Variants in NCK1 observed in about 807,000 individuals in gnomAD.
The protein encoded by NCK1 is NCK adaptor protein 1.
NCK1 carries 19 observed loss-of-function variants against 36.6 expected under a neutral mutation model. The observed-to-expected ratio is 0.52, with a 90% CI of 0.36 to 0.76. The LOEUF (loss-of-function observed/expected upper bound fraction) is 0.76, where lower values mean the gene tolerates loss of function less well. NCK1 is among the 30% of genes least tolerant of loss of function. The pLI is 0.00. For missense variants in NCK1, 358 were observed against 445.6 expected, an observed-to-expected ratio of 0.80 and a Z score of 1.77; for synonymous variants, 165 against 156.0, an observed-to-expected ratio of 1.06 and a Z score of -0.43.
At chr3:136,935,343 T>C (rs1228861162) in intron 2 of NCK1, among the ~76,000 whole-genome samples, 1 of 152,240 alleles carries the variant, frequency 6.6e-6, no homozygotes, top group African/African-American at 2.4e-5. Flanking sequence ...TTCAAAAATA[T>C]CATTTGAAAC....
At chr3:136,905,653 C>G (rs1939664765) in intron 1 of NCK1, among the ~76,000 whole-genome samples, 1 of 152,140 alleles carries the variant, frequency 6.6e-6, no homozygotes, top group African/African-American at 2.4e-5. Flanking sequence ...GAGACAGGGT[C>G]TCACTCTGTT....
intron 1 of NCK1, among the ~76,000 whole-genome samples, chr3:136,894,173 G>A (rs929278805): frequency 6.6e-6 from 1 of 152,134 alleles, no homozygotes; most frequent in African/African-American, 2.4e-5. Flanking sequence ...ACCAAGTGGT[G>A]GTTGTGGCTT....
At chr3:136,873,402 A>G (rs1455731730) in intron 1 of NCK1, among the ~76,000 whole-genome samples, 4 of 151,854 alleles carry the variant, frequency 2.6e-5, no homozygotes, top group East Asian at 1.9e-4. Flanking sequence ...CAATTCCTGT[A>G]CCCCCATCTT....
chr3:136,904,941 C>CT (rs961728259), intron 1 of NCK1, among the ~76,000 whole-genome samples: 8 of 148,532 alleles, frequency 5.4e-5, no homozygotes, highest in Admixed American at 2.0e-4. Context: ...GTTGTTGACA[C>CT]TTTCCAACGT....
intron 1 of NCK1, among the ~76,000 whole-genome samples, chr3:136,912,646 CCCT>C (rs1323962532): frequency 6.6e-6 from 1 of 151,360 alleles, no homozygotes; most frequent in Non-Finnish European, 1.5e-5. Context: ...TGAGATTTTT[CCCT>C]CCTCTTTTTT....
chr3:136,916,194 CCAAACTGTAT>C (rs1939959934), intron 1 of NCK1, among the ~76,000 whole-genome samples: 1 of 152,026 alleles, frequency 6.6e-6, no homozygotes, highest in Non-Finnish European at 1.5e-5. Flanking sequence ...ATACACAAAT[CCAAACTGTAT>C]CAAGGGCTAA....
At chr3:136,923,553 C>T (rs1377326621) in intron 1 of NCK1, among the ~76,000 whole-genome samples, 3 of 104,330 alleles carry the variant, frequency 2.9e-5, no homozygotes, top group East Asian at 2.3e-4. Flanking sequence ...GTGCGAGACT[C>T]CGTCTCAAAT....
chr3:136,929,811 G>A (rs897264399), intron 2 of NCK1, among the ~76,000 whole-genome samples: 2 of 152,216 alleles, frequency 1.3e-5, no homozygotes, highest in Middle Eastern at 3.4e-3. Flanking sequence ...TTATCATAGA[G>A]CAAAGGGGGG....
chr3:136,869,977 C>T (rs914304544), intron 1 of NCK1, among the ~76,000 whole-genome samples: 1 of 143,700 alleles, frequency 7.0e-6, no homozygotes. Flanking sequence ...TTGAATAAAA[C>T]AAGCAGTGAA....
chr3:136,944,410 GC>G (rs1940758613), intron 2 of NCK1, among the ~76,000 whole-genome samples: 1 of 152,150 alleles, frequency 6.6e-6, no homozygotes, highest in Non-Finnish European at 1.5e-5. Context: ...GAGCCACCGT[GC>G]CCAGCCGGGA....
chr3:136,910,618 G>A (rs1294039097), intron 1 of NCK1, among the ~76,000 whole-genome samples: 6 of 151,984 alleles, frequency 3.9e-5, no homozygotes, highest in Non-Finnish European at 8.8e-5. Flanking sequence ...ACTCCTCTTA[G>A]CATTTATTTA....
At chr3:136,921,315 A>C (rs1313271867) in intron 1 of NCK1, among the ~76,000 whole-genome samples, 8 of 152,246 alleles carry the variant, frequency 5.3e-5, no homozygotes, top group African/African-American at 1.9e-4. Context: ...TTAACTCAGG[A>C]AACAACTAGA....
At chr3:136,891,523 C>A (rs1452140649) in intron 1 of NCK1, among the ~76,000 whole-genome samples, 2 of 152,184 alleles carry the variant, frequency 1.3e-5, no homozygotes, top group African/African-American at 4.8e-5. Context: ...TATTTGAGTT[C>A]TCACTTTTAC....
At position 136,862,328 on chromosome 3, in the gene NCK1, G is replaced by T. The variant is rs182258053; in HGVS notation, c.-44G>T. On this transcript the variant is annotated 5_prime_UTR_variant, in exon 1 of 4. Transcript: ENST00000481752. ...CCTGGAGCCCTCCTCAGGTGAGCTG[G>T]AGCTGCCCGGCTCGGCAGCGGGAAG... is the stretch of plus-strand genomic sequence containing the variant. 802 of 152,924 alleles carry T rather than the reference G, an allele frequency of 5.2e-3. 3 individuals carry two copies. Among genetic ancestry groups the T allele is most frequent in the Admixed American group, 8.1e-3 (124 of 15,314 alleles). 9.5% of individuals were successfully genotyped at this position (152,924 alleles called of 1,614,324 possible). A position where few individuals can be genotyped will look rare whatever the true frequency, so the allele number is the denominator to read the frequency against.
intron 1 of NCK1, among the ~76,000 whole-genome samples, chr3:136,887,071 T>C (rs1046267799): frequency 2.0e-5 from 3 of 152,186 alleles, no homozygotes; most frequent in Non-Finnish European, 4.4e-5. Context: ...CTCGAACTCC[T>C]GACCTCAGGT....
intron 1 of NCK1, among the ~76,000 whole-genome samples, chr3:136,908,028 T>C (rs1328398599): frequency 6.6e-6 from 1 of 152,218 alleles, no homozygotes; most frequent in Non-Finnish European, 1.5e-5. Context: ...TTAGTAGTGA[T>C]GGTGTTTCTG....
At chr3:136,929,539 T>A (rs1206893126) in intron 2 of NCK1, among the ~76,000 whole-genome samples, 1 of 152,206 alleles carries the variant, frequency 6.6e-6, no homozygotes, top group African/African-American at 2.4e-5. Context: ...AGAAAGAGAT[T>A]TTCCTTCAGT....
intron 1 of NCK1, among the ~76,000 whole-genome samples, chr3:136,914,565 AG>A (rs1489281986): frequency 3.9e-5 from 6 of 152,246 alleles, no homozygotes; most frequent in African/African-American, 1.2e-4. Context: ...GAGGAACTCA[AG>A]AATAGTAAGT....
chr3:136,867,840 A>G (rs1161176025), intron 1 of NCK1, among the ~76,000 whole-genome samples: 1 of 152,100 alleles, frequency 6.6e-6, no homozygotes, highest in Non-Finnish European at 1.5e-5. Flanking sequence ...TTTGCCTCAC[A>G]TTATTTTGCA....
Sources: gnomAD v4.1 joint callset for allele counts (sites outside exome capture counted in the v4.1 genomes callset) on GRCh38, gnomAD v4.1.1 for gene constraint, MANE v1.5 for transcripts, NCBI Gene and HGNC (gene_info 2026-07-23, HGNC 2026-07-21) for gene names.